Variants in ATP8A2 observed in about 807,000 individuals in gnomAD.
ATP8A2 encodes phospholipid-transporting ATPase IB.
Under a neutral mutation model 165.6 loss-of-function variants are expected in ATP8A2, and 100 were observed. That is an observed-to-expected ratio of 0.60 (90% CI 0.51 to 0.71). The LOEUF (loss-of-function observed/expected upper bound fraction) is 0.71. Ranked by LOEUF, ATP8A2 falls within the 30% of genes least tolerant of loss-of-function variation. ATP8A2 has a pLI of 0.00. For missense variants in ATP8A2, 1,227 were observed against 1,479.5 expected (o/e 0.83, Z 2.80); for synonymous variants, 543 against 548.8 (o/e 0.99, Z 0.15).
chr13:25,806,104 C>T (rs924597504), intron 27 of ATP8A2, among the ~76,000 whole-genome samples: 6 of 152,012 alleles, frequency 3.9e-5, no homozygotes, highest in Non-Finnish European at 7.4e-5. Flanking sequence ...AAGAAACATA[C>T]GTAGGGCAGC....
intron 33 of ATP8A2, among the ~76,000 whole-genome samples, chr13:25,957,648 C>T (rs1306341994): frequency 1.3e-5 from 2 of 152,148 alleles, no homozygotes; most frequent in African/African-American, 4.8e-5. Context: ...GAAATAGGAA[C>T]GCTTTTACAC....
intron 33 of ATP8A2, among the ~76,000 whole-genome samples, chr13:25,946,162 G>C (rs1955203572): frequency 6.6e-6 from 1 of 152,102 alleles, no homozygotes; most frequent in African/African-American, 2.4e-5. Flanking sequence ...TCCCAGGTCT[G>C]TCTGAATCCC....
chr13:25,893,662 C>T (rs571251705), intron 33 of ATP8A2, among the ~76,000 whole-genome samples: 1,742 of 150,376 alleles, frequency 0.012, 36 homozygotes, highest in African/African-American at 0.038. Context: ...TTTACAGTCC[C>T]GCCAACAGTG....
chr13:25,515,802 C>A (rs1473226340), intron 2 of ATP8A2, among the ~76,000 whole-genome samples: 3 of 152,200 alleles, frequency 2.0e-5, no homozygotes, highest in African/African-American at 7.2e-5. Flanking sequence ...CTATTTAACT[C>A]ATGTCTCTAT....
intron 1 of ATP8A2, among the ~76,000 whole-genome samples, chr13:25,445,365 C>T (rs2035040265): frequency 6.6e-6 from 1 of 152,142 alleles, no homozygotes; most frequent in Non-Finnish European, 1.5e-5. Flanking sequence ...TACCTAAGCT[C>T]CTGGTAGCAC....
rs548947880 is a variant in ATP8A2, at chr13:25,772,714, G to T, written c.2569-2135G>T. Among the ~76,000 whole-genome samples, 6 of 151,146 alleles carry T rather than the reference G, an allele frequency of 4.0e-5. No individual in the cohort carries two copies. The East Asian group carries it at 5.8e-4, about 15-fold the overall frequency. ...TCAGTCTGGTCATTTCTTTTCTATTGAGAGTTACATTTAATTAATTAATTT... is the reference window on the plus strand; with the variant it reads ...TCAGTCTGGTCATTTCTTTTCTATTTAGAGTTACATTTAATTAATTAATTT... On this transcript the variant is annotated intron_variant, in intron 26 of 36. Transcript: ENST00000381655.
chr13:25,553,881 T>A lies in ATP8A2; in HGVS notation c.1146T>A (p.Leu382=). The A allele has an allele frequency of 6.2e-7, 1 of 1,613,678 alleles. No individual in the cohort carries two copies. Among genetic ancestry groups the A allele is most frequent in the Non-Finnish European group, 8.5e-7 (1 of 1,179,578 alleles). ...NLIPISLLVT[L]EVVKYTQALF... is the part of the protein sequence containing the mutation. ...TTCCCATCAGTCTGTTGGTGACTCT[T>A]GAGGTTGTGAAGTATACTCAAGCCC... The change falls in exon 12 of 37, where the codon CTT becomes CTA. Residue 382 remains leucine, a synonymous_variant. Transcript: ENST00000381655.
At chr13:25,825,013 A>G (rs906825559) in intron 27 of ATP8A2, among the ~76,000 whole-genome samples, 1 of 151,826 alleles carries the variant, frequency 6.6e-6, no homozygotes, top group African/African-American at 2.4e-5. Context: ...TACTTGGTTT[A>G]ATCTGTAGAT....
intron 28 of ATP8A2, among the ~76,000 whole-genome samples, chr13:25,829,379 A>C (rs1013057876): frequency 5.3e-5 from 8 of 151,982 alleles, no homozygotes; most frequent in Non-Finnish European, 5.9e-5. Flanking sequence ...GTGCTAAAAA[A>C]GCTACTCTGA....
At chr13:25,490,520 C>G (rs969827542) in intron 2 of ATP8A2, among the ~76,000 whole-genome samples, 1 of 152,164 alleles carries the variant, frequency 6.6e-6, no homozygotes, top group Non-Finnish European at 1.5e-5. Flanking sequence ...TTCCTACAGT[C>G]GGTGAGCATC....
intron 33 of ATP8A2, among the ~76,000 whole-genome samples, chr13:25,915,894 C>T (rs190497136): frequency 6.6e-6 from 1 of 152,330 alleles, no homozygotes; most frequent in Admixed American, 6.5e-5. Context: ...ATGTTGTTCT[C>T]TACCAGTGCG....
intron 11 of ATP8A2, among the ~76,000 whole-genome samples, chr13:25,552,315 T>A (rs1401052673): frequency 6.6e-6 from 1 of 152,128 alleles, no homozygotes; most frequent in Non-Finnish European, 1.5e-5. Flanking sequence ...CATATTTACT[T>A]ACCATTTCCA....
chr13:25,429,752 C>T (rs986416107), intron 1 of ATP8A2, among the ~76,000 whole-genome samples: 5 of 152,280 alleles, frequency 3.3e-5, no homozygotes, highest in African/African-American at 1.2e-4. Flanking sequence ...TTGTCTGATG[C>T]GCTGAGGCAT....
intron 33 of ATP8A2, among the ~76,000 whole-genome samples, chr13:25,900,506 A>AT (rs1433555462): frequency 6.6e-6 from 1 of 152,112 alleles, no homozygotes; most frequent in Non-Finnish European, 1.5e-5. Flanking sequence ...GTTTCAGATG[A>AT]TTGGCTAAGG....
intron 24 of ATP8A2, among the ~76,000 whole-genome samples, chr13:25,604,159 A>G (rs1230154530): frequency 6.6e-6 from 1 of 152,136 alleles, no homozygotes; most frequent in African/African-American, 2.4e-5. Flanking sequence ...AAATATGGAC[A>G]TTGAGGTAAG....
At chr13:25,676,236 T>C (rs2137779358) in intron 24 of ATP8A2, among the ~76,000 whole-genome samples, 1 of 152,316 alleles carries the variant, frequency 6.6e-6, no homozygotes, top group African/African-American at 2.4e-5. Flanking sequence ...AGCATAGATG[T>C]CTTTAAAATG....
At chr13:25,706,183 C>G (rs9578912) in intron 25 of ATP8A2, among the ~76,000 whole-genome samples, 1 of 152,232 alleles carries the variant, frequency 6.6e-6, no homozygotes, top group African/African-American at 2.4e-5. Context: ...GGATTCCAAG[C>G]CCCAGTTTGG....
chr13:25,775,414 C>G (rs2044719626), intron 27 of ATP8A2, among the ~76,000 whole-genome samples: 1 of 152,104 alleles, frequency 6.6e-6, no homozygotes, highest in Non-Finnish European at 1.5e-5. Context: ...TGCAAGTTTC[C>G]TAGCATCCAT....
intron 30 of ATP8A2, among the ~76,000 whole-genome samples, chr13:25,853,473 A>G (rs1375050191): frequency 6.7e-6 from 1 of 150,104 alleles, no homozygotes; most frequent in African/African-American, 2.4e-5. Context: ...TATATCCATA[A>G]AATATGAAAC....
Sources: gnomAD v4.1 joint callset for allele counts (sites outside exome capture counted in the v4.1 genomes callset) on GRCh38, gnomAD v4.1.1 for gene constraint, MANE v1.5 for transcripts, NCBI Gene and HGNC (gene_info 2026-07-23, HGNC 2026-07-21) for gene names.